Variants in TMEM117 observed in about 807,000 individuals in gnomAD.
The protein encoded by TMEM117 is transmembrane protein 117.
A neutral mutation model predicts 52.4 loss-of-function variants in TMEM117; 27 were observed. The ratio of observed to expected loss-of-function variants is 0.51; its 90% CI spans 0.38 to 0.71. TMEM117 has a LOEUF of 0.71. TMEM117 is among the 30% of genes least tolerant of loss of function. The pLI is 0.00. For synonymous variants in TMEM117, 215 were observed against 206.3 expected (o/e 1.04, Z -0.36); for missense variants, 556 against 630.5 (o/e 0.88, Z 1.26).
intron 2 of TMEM117, among the ~76,000 whole-genome samples, chr12:43,929,491 A>G (rs1250677115): frequency 1.3e-5 from 2 of 152,098 alleles, no homozygotes; most frequent in African/African-American, 2.4e-5. Flanking sequence ...TATTTTTGTC[A>G]TAAACTGAAA....
Position 43,988,173 on chromosome 12 carries a change from G to A in TMEM117, c.410+43831G>A, listed in dbSNP as rs200496017. Among the ~76,000 whole-genome samples the A allele has an allele frequency of 7.4e-4, 113 of 152,150 alleles. 1 individual carries two copies. Among genetic ancestry groups the A allele is most frequent in the African/African-American group, 2.6e-3 (110 of 41,540 alleles). On this transcript the variant is annotated intron_variant, in intron 3 of 7. Transcript: ENST00000266534. The stretch of plus-strand genomic sequence containing the variant: ...CATTTAAATATCTTTTTATAATAGA[G>A]TAAAATAAGATACTGTGTGGTAATA...
intron 2 of TMEM117, among the ~76,000 whole-genome samples, chr12:43,857,131 A>G (rs1204965134): frequency 1.3e-5 from 2 of 152,202 alleles, no homozygotes; most frequent in Non-Finnish European, 2.9e-5. Flanking sequence ...TTGCACATCC[A>G]TTAGCGCTAA....
the TMEM117 span, among the ~76,000 whole-genome samples, chr12:43,816,249 A>G: frequency 0.014 from 2,127 of 151,876 alleles, 61 homozygotes; most frequent in African/African-American, 0.049. Context: ...GCTTCATTAT[A>G]CTCCAAACCA....
intron 5 of TMEM117, among the ~76,000 whole-genome samples, chr12:44,288,214 G>C (rs893736665): frequency 3.3e-5 from 5 of 152,246 alleles, no homozygotes; most frequent in African/African-American, 1.2e-4. Context: ...GCATAATTTT[G>C]GAGGTGATAT....
intron 3 of TMEM117, among the ~76,000 whole-genome samples, chr12:43,948,338 C>G (rs572007577): frequency 1.3e-5 from 2 of 151,854 alleles, no homozygotes; most frequent in Non-Finnish European, 2.9e-5. Flanking sequence ...CTGAGTCTCA[C>G]TCTGTCGCCC....
intron 5 of TMEM117, chr12:44,263,392 T>C (rs1950342546): frequency 6.6e-6 from 1 of 152,188 alleles, no homozygotes; most frequent in South Asian, 2.1e-4. Context: ...AGGAATGCTT[T>C]TACAGTGTTG....
intron 3 of TMEM117, among the ~76,000 whole-genome samples, chr12:44,106,444 C>T: frequency 6.6e-6 from 1 of 152,006 alleles, no homozygotes; most frequent in East Asian, 1.9e-4. Context: ...TGGTCTTTTG[C>T]TCTGAGTGAC....
chr12:44,266,307 C>T (rs1396124658), intron 5 of TMEM117, among the ~76,000 whole-genome samples: 3 of 152,102 alleles, frequency 2.0e-5, no homozygotes, highest in Non-Finnish European at 4.4e-5. Flanking sequence ...TCGTCTGTCA[C>T]GTTTATTGTA....
At chr12:43,840,242 A>G (rs545689202) in intron 1 of TMEM117, among the ~76,000 whole-genome samples, 4 of 152,358 alleles carry the variant, frequency 2.6e-5, no homozygotes, top group African/African-American at 9.6e-5. Context: ...GTTATTCTTT[A>G]CAAGGTACGG....
intron 3 of TMEM117, among the ~76,000 whole-genome samples, chr12:44,075,862 G>C (rs997928868): frequency 1.3e-5 from 2 of 152,176 alleles, no homozygotes; most frequent in Admixed American, 1.3e-4. Context: ...ATCATATGAA[G>C]ATGGTGGGGA....
intron 4 of TMEM117, among the ~76,000 whole-genome samples, chr12:44,185,762 G>A (rs74608515): frequency 0.045 from 6,842 of 151,754 alleles, 529 homozygotes; most frequent in African/African-American, 0.16. Flanking sequence ...CATGGATTTG[G>A]GGTCTTTTTA....
At chr12:43,797,978 C>T in the TMEM117 span, 2 of 817,318 alleles carry the variant, frequency 2.4e-6, no homozygotes, top group Non-Finnish European at 1.8e-6. Context: ...GTTTACGGTC[C>T]TGCTAGCATT....
intron 3 of TMEM117, among the ~76,000 whole-genome samples, chr12:44,008,292 T>C (rs760949946): frequency 1.3e-5 from 2 of 152,208 alleles, no homozygotes; most frequent in Non-Finnish European, 2.9e-5. Context: ...TTGACTGTTA[T>C]ATATCTGTCA....
chr12:44,037,349 C>A (rs1422842371), intron 3 of TMEM117, among the ~76,000 whole-genome samples: 1 of 152,140 alleles, frequency 6.6e-6, no homozygotes. Context: ...CCTGGCCTCT[C>A]CCCACTCCTG....
chr12:43,818,874 C>T, the TMEM117 span, among the ~76,000 whole-genome samples: 1 of 152,084 alleles, frequency 6.6e-6, no homozygotes, highest in African/African-American at 2.4e-5. Context: ...TTAAAGGAAC[C>T]TCTTTCCACT....
Position 44,217,998 on chromosome 12 carries a change from C to T in TMEM117, c.608+6611C>T, listed in dbSNP as rs369386601. Among the ~76,000 whole-genome samples, 60 of 152,112 alleles carry T rather than the reference C, an allele frequency of 3.9e-4. No individual in the cohort carries two copies. The South Asian group carries it at 0.012, about 31-fold the overall frequency. ...CAGCACTTTGGGAGGACGAGGTGGG[C>T]AGATCTCTTGAGTTCAGGAGTTCGA... On this transcript the variant is annotated intron_variant, in intron 5 of 7. Coordinates refer to ENST00000266534, the MANE Select transcript of TMEM117 (RefSeq NM_032256.3).
Position 44,146,710 on chromosome 12 carries a change from TC to T in TMEM117, c.510+3087del, listed in dbSNP as rs746756236. ...ACATTTAAAAAAATAATATTTTCCCTCATGAGAGAAGTCTAACGTAGCCTTG... is the reference window on the plus strand; with the variant it reads ...ACATTTAAAAAAATAATATTTTCCCTATGAGAGAAGTCTAACGTAGCCTTG... On this transcript the variant is annotated intron_variant, in intron 4 of 7. Coordinates refer to ENST00000266534, the MANE Select transcript of TMEM117 (RefSeq NM_032256.3). Among the ~76,000 whole-genome samples the T allele has an allele frequency of 2.0e-4, 31 of 152,310 alleles. No individual in the cohort carries two copies. The Middle Eastern group carries it at 0.01, about 50-fold the overall frequency.
At chr12:44,096,049 C>A (rs886954994) in intron 3 of TMEM117, among the ~76,000 whole-genome samples, 1 of 152,158 alleles carries the variant, frequency 6.6e-6, no homozygotes, top group Non-Finnish European at 1.5e-5. Context: ...GTACAAAAAT[C>A]ACAAGCATTC....
the TMEM117 span, among the ~76,000 whole-genome samples, chr12:43,817,723 GA>G: frequency 6.6e-6 from 1 of 152,070 alleles, no homozygotes; most frequent in Non-Finnish European, 1.5e-5. Flanking sequence ...CATCAATGCA[GA>G]AAAAAATAAA....
Sources: allele counts gnomAD v4.1 joint callset (sites outside exome capture counted in the v4.1 genomes callset), GRCh38; gene constraint gnomAD v4.1.1; transcripts MANE v1.5; gene names NCBI Gene and HGNC (gene_info 2026-07-23, HGNC 2026-07-21).